Variants in AMD1 observed in about 807,000 individuals in gnomAD.
The protein encoded by AMD1 is adenosylmethionine decarboxylase 1.
AMD1 carries 11 observed loss-of-function variants against 40.2 expected under a neutral mutation model. That is an observed-to-expected ratio of 0.27 (90% CI 0.17 to 0.45). The LOEUF (loss-of-function observed/expected upper bound fraction) is 0.45. AMD1 is among the 20% of genes least tolerant of loss of function. The pLI is 1.00. For missense variants in AMD1, 257 were observed against 410.2 expected (o/e 0.63, Z 3.23); for synonymous variants, 121 against 130.8 (o/e 0.93, Z 0.51).
At chr6:110,875,352 C>T (rs1381043621) in intron 1 of AMD1, 137 bp downstream of exon 1, 2 of 725,308 alleles carry the variant, frequency 2.8e-6, no homozygotes, top group East Asian at 2.7e-5. Flanking sequence ...CTTCGGCGGC[C>T]TTGGAAGGTG....
the AMD1 span, chr6:110,814,980 G>C: frequency 6.3e-7 from 1 of 1,597,812 alleles, no homozygotes; most frequent in African/African-American, 1.4e-5. Flanking sequence ...GGACCCGAGC[G>C]AGCCTACTCC....
the AMD1 span, among the ~76,000 whole-genome samples, chr6:110,866,810 A>G: frequency 3.3e-5 from 5 of 150,766 alleles, no homozygotes; most frequent in African/African-American, 1.2e-4. Flanking sequence ...AGCTCCAACA[A>G]CACTTTCTTT....
At chr6:110,830,835 G>A in the AMD1 span, among the ~76,000 whole-genome samples, 2 of 152,126 alleles carry the variant, frequency 1.3e-5, no homozygotes, top group Non-Finnish European at 2.9e-5. Flanking sequence ...TTGCAGCCTT[G>A]ACCTCCTGGG....
the AMD1 span, among the ~76,000 whole-genome samples, chr6:110,836,982 T>C: frequency 1.3e-5 from 2 of 151,608 alleles, no homozygotes; most frequent in African/African-American, 4.8e-5. Context: ...AATGAGACCT[T>C]GTCTCTACAA....
At chr6:110,834,612 C>T in the AMD1 span, among the ~76,000 whole-genome samples, 1 of 152,080 alleles carries the variant, frequency 6.6e-6, no homozygotes, top group South Asian at 2.1e-4. Flanking sequence ...TGCTTGAGCT[C>T]AGGAGTTCAA....
the AMD1 span, among the ~76,000 whole-genome samples, chr6:110,862,101 C>A: frequency 6.8e-6 from 1 of 148,138 alleles, no homozygotes; most frequent in African/African-American, 2.5e-5. Context: ...CTCACTGCAA[C>A]CTCCACCTCC....
chr6:110,826,603 T>TA, the AMD1 span, among the ~76,000 whole-genome samples: 1 of 152,070 alleles, frequency 6.6e-6, no homozygotes, highest in Non-Finnish European at 1.5e-5. Context: ...GTCCTTGCTT[T>TA]ATGGCAGCAT....
rs536128187 is a variant in AMD1 at position 110,885,973 on chromosome 6, G to A, written c.111-1532G>A. ...TTATCTGGTTAACAAAAGATTTGCC[G>A]GCTGGGCACGGTGGCTCATGCCTGT... On this transcript the variant is annotated intron_variant, in intron 1 of 8. Coordinates refer to ENST00000368885, the MANE Select transcript of AMD1 (RefSeq NM_001634.6). 1.5e-4 allele frequency among the ~76,000 whole-genome samples: 23 copies of A among 152,296 alleles called. 1 individual carries two copies. The South Asian group carries it at 4.3e-3, about 29-fold the overall frequency.
the AMD1 span, among the ~76,000 whole-genome samples, chr6:110,865,629 A>G: frequency 2.0e-5 from 3 of 152,150 alleles, no homozygotes; most frequent in Non-Finnish European, 4.4e-5. Flanking sequence ...TCCTGACCTC[A>G]GGTGATCTAT....
chr6:110,853,630 AG>A, the AMD1 span, among the ~76,000 whole-genome samples: 1 of 152,124 alleles, frequency 6.6e-6, no homozygotes, highest in South Asian at 2.1e-4. Flanking sequence ...TAGTAGAGAT[AG>A]GGTTTCACCA....
At chr6:110,890,183 A>G (rs1785934954) in intron 3 of AMD1, 71 bp from the exon 4 acceptor site, 2 of 1,162,638 alleles carry the variant, frequency 1.7e-6, no homozygotes, top group South Asian at 1.5e-5. Flanking sequence ...ATAGTTGATT[A>G]GCTTCGAAAA....
the AMD1 span, among the ~76,000 whole-genome samples, chr6:110,835,596 T>C: frequency 6.6e-6 from 1 of 152,044 alleles, no homozygotes; most frequent in East Asian, 1.9e-4. Flanking sequence ...CCGGGCGCAG[T>C]GGTTCACGCC....
chr6:110,851,350 C>A, the AMD1 span, among the ~76,000 whole-genome samples: 1 of 152,180 alleles, frequency 6.6e-6, no homozygotes, highest in South Asian at 2.1e-4. Context: ...AATCGCCCTG[C>A]CTTGACCTCC....
In AMD1 at chr6:110,893,981, AAGGCTTT is replaced by A; in HGVS notation, c.*366_*372del. ...GTATCATCCAAAATTCCCCACAGAC[AAGGCTTT>A]CGTCCTCATTAGGTGTTGGCCTCAG... On this transcript the variant is annotated 3_prime_UTR_variant, in exon 9 of 9. Coordinates refer to ENST00000368885, the MANE Select transcript of AMD1 (RefSeq NM_001634.6). 4.7e-6 allele frequency: 1 copy of A among 212,432 alleles called. No homozygotes were observed. The highest frequency in any genetic ancestry group is 9.7e-6 in the Non-Finnish European group (1 of 103,154). 13.2% of individuals were successfully genotyped at this position (212,432 alleles called of 1,614,324 possible). A position where few individuals can be genotyped will look rare whatever the true frequency, so the allele number is the denominator to read the frequency against.
At chr6:110,866,982 T>A in the AMD1 span, among the ~76,000 whole-genome samples, 2 of 151,750 alleles carry the variant, frequency 1.3e-5, no homozygotes, top group African/African-American at 4.8e-5. Context: ...CCCAGCTAAT[T>A]TTTTGTATTT....
At chr6:110,855,733 C>T in the AMD1 span, among the ~76,000 whole-genome samples, 1 of 152,094 alleles carries the variant, frequency 6.6e-6, no homozygotes, top group African/African-American at 2.4e-5. Context: ...AAAAACTGTT[C>T]CATCAGGTAT....
chr6:110,850,279 A>C, the AMD1 span, among the ~76,000 whole-genome samples: 1 of 152,236 alleles, frequency 6.6e-6, no homozygotes, highest in Non-Finnish European at 1.5e-5. Flanking sequence ...CTTTCATGTT[A>C]AGATGAGGGT....
At chr6:110,879,918 T>G (rs951520650) in intron 1 of AMD1, among the ~76,000 whole-genome samples, 4 of 152,160 alleles carry the variant, frequency 2.6e-5, no homozygotes, top group Admixed American at 2.6e-4. Context: ...TTCAGGTGAT[T>G]AGAGCATAAC....
At chr6:110,835,854 A>T in the AMD1 span, among the ~76,000 whole-genome samples, 1 of 151,238 alleles carries the variant, frequency 6.6e-6, no homozygotes, top group African/African-American at 2.4e-5. Context: ...AACAAGAGCA[A>T]GACTCCATCC....
Sources: allele counts gnomAD v4.1 joint callset (sites outside exome capture counted in the v4.1 genomes callset), GRCh38; gene constraint gnomAD v4.1.1; transcripts MANE v1.5; gene names NCBI Gene and HGNC (gene_info 2026-07-23, HGNC 2026-07-21).